ESRRG: variants seen among roughly 807,000 people sequenced by gnomAD.
The protein encoded by ESRRG is estrogen related receptor gamma.
In ESRRG, 13 loss-of-function variants were observed where a neutral mutation model predicts 44.0. The ratio of observed to expected loss-of-function variants is 0.30; its 90% confidence interval spans 0.19 to 0.47. The LOEUF is 0.47. Ranked by LOEUF, ESRRG falls within the 20% of genes least tolerant of loss-of-function variation. ESRRG has a pLI of 1.00. For missense variants in ESRRG, 395 were observed against 580.6 expected (o/e 0.68, Z 3.29); for synonymous variants, 215 against 214.6 (o/e 1.00, Z -0.02).
chr1:217,097,378 T>C (rs1163562116), intron 1 of ESRRG, among the ~76,000 whole-genome samples: 1 of 152,206 alleles, frequency 6.6e-6, no homozygotes, highest in African/African-American at 2.4e-5. Context: ...AAGTCTGTCA[T>C]TTCCCAATCA....
intron 1 of ESRRG, among the ~76,000 whole-genome samples, chr1:216,957,180 G>T (rs2068106267): frequency 6.6e-6 from 1 of 151,890 alleles, no homozygotes; most frequent in South Asian, 2.1e-4. Context: ...GTTGATTGTT[G>T]CTCACCTCCC....
At chr1:216,766,052 T>G (rs578069425) in intron 2 of ESRRG, among the ~76,000 whole-genome samples, 18 of 152,252 alleles carry the variant, frequency 1.2e-4, no homozygotes, top group African/African-American at 4.1e-4. Flanking sequence ...CAAAGCAATC[T>G]TCGTCACAAA....
chr1:216,623,077 C>CTTT (rs370657704), intron 3 of ESRRG, among the ~76,000 whole-genome samples: 6,091 of 88,552 alleles, frequency 0.069, 720 homozygotes, highest in African/African-American at 0.17. Context: ...AATCATTAAA[C>CTTT]TTTTTTTTTT....
At chr1:216,795,588 G>A (rs1043303428) in intron 2 of ESRRG, among the ~76,000 whole-genome samples, 1 of 151,586 alleles carries the variant, frequency 6.6e-6, no homozygotes, top group African/African-American at 2.4e-5. Context: ...TGATCCACCC[G>A]CCTCGGCCTC....
intron 5 of ESRRG, among the ~76,000 whole-genome samples, chr1:216,536,834 A>T (rs1299684401): frequency 6.6e-6 from 1 of 152,016 alleles, no homozygotes; most frequent in East Asian, 1.9e-4. Flanking sequence ...CTTATATTCA[A>T]GGGGTGGGGT....
At chr1:217,024,432 AG>A (rs1336158123) in intron 1 of ESRRG, among the ~76,000 whole-genome samples, 5 of 151,824 alleles carry the variant, frequency 3.3e-5, no homozygotes, top group Admixed American at 6.6e-5. Flanking sequence ...GCTGCTTCTG[AG>A]GACACCACCA....
At chr1:216,763,669 T>C (rs965079975) in intron 2 of ESRRG, among the ~76,000 whole-genome samples, 1 of 152,144 alleles carries the variant, frequency 6.6e-6, no homozygotes. Flanking sequence ...CCAGTTAAAT[T>C]TACTGCAACA....
intron 2 of ESRRG, among the ~76,000 whole-genome samples, chr1:216,784,531 G>C (rs2094053239): frequency 6.6e-6 from 1 of 151,902 alleles, no homozygotes; most frequent in South Asian, 2.1e-4. Flanking sequence ...AATAGAGAAG[G>C]AAGTTCATAA....
chr1:216,880,304 C>CAAAAAAAAAAAAAAAAAAAAAAAAAAAAA (rs11301281), intron 2 of ESRRG, among the ~76,000 whole-genome samples: 1 of 29,022 alleles, frequency 3.4e-5, no homozygotes, highest in Non-Finnish European at 5.7e-5. Context: ...GCCTCCCTCT[C>CAAAAAAAAAAAAAAAAAAAAAAAAAAAAA]AAAAAAAAAA....
chr1:217,135,084 G>A (rs751333080), intron 1 of ESRRG, among the ~76,000 whole-genome samples: 6 of 152,312 alleles, frequency 3.9e-5, no homozygotes, highest in Non-Finnish European at 8.8e-5. Context: ...ACCGCAGAGG[G>A]ATGGTGCCAA....
At chr1:216,906,820 A>G (rs1349876316) in intron 2 of ESRRG, among the ~76,000 whole-genome samples, 1 of 152,214 alleles carries the variant, frequency 6.6e-6, no homozygotes, top group Non-Finnish European at 1.5e-5. Context: ...AGTTCAACAC[A>G]TTGGTTCCCT....
chr1:216,516,948 G>A (rs988786162), intron 6 of ESRRG, among the ~76,000 whole-genome samples: 3 of 152,086 alleles, frequency 2.0e-5, no homozygotes, highest in Admixed American at 6.6e-5. Context: ...AGGTTAGGTG[G>A]GTGAAGAAAA....
intron 1 of ESRRG, among the ~76,000 whole-genome samples, chr1:216,971,988 T>C (rs1455651834): frequency 6.6e-6 from 1 of 152,242 alleles, no homozygotes; most frequent in Non-Finnish European, 1.5e-5. Context: ...GATTGAGATA[T>C]TCAGGACTAA....
At chr1:216,570,618 T>C (rs868577075) in intron 3 of ESRRG, among the ~76,000 whole-genome samples, 51 of 152,244 alleles carry the variant, frequency 3.3e-4, no homozygotes, top group African/African-American at 1.2e-3. Flanking sequence ...TAGTAGAAAA[T>C]CAAAAGCATA....
At chr1:216,830,077 C>T (rs2164613) in intron 2 of ESRRG, among the ~76,000 whole-genome samples, 89,392 of 152,028 alleles carry the variant, frequency 0.59, 26,777 homozygotes, top group Non-Finnish European at 0.63. Context: ...CATCCTCTCC[C>T]TGCTGAAACT....
chr1:216,924,546 G>A (rs549017496), intron 2 of ESRRG, among the ~76,000 whole-genome samples: 59 of 152,336 alleles, frequency 3.9e-4, no homozygotes, highest in African/African-American at 1.2e-3. Flanking sequence ...ATCCAGCCTA[G>A]AAGGAAAATC....
At chr1:216,551,094 G>C (rs1243263847) in intron 5 of ESRRG, among the ~76,000 whole-genome samples, 1 of 152,078 alleles carries the variant, frequency 6.6e-6, no homozygotes, top group African/African-American at 2.4e-5. Context: ...TTAAAATTAT[G>C]ATCACGAATA....
At chr1:216,957,396 G>A (rs1011906207) in intron 1 of ESRRG, among the ~76,000 whole-genome samples, 18 of 152,042 alleles carry the variant, frequency 1.2e-4, no homozygotes, top group Admixed American at 2.6e-4. Context: ...TATTTGGATC[G>A]AATATGCATA....
At chr1:216,966,782 T>A (rs986065492) in intron 1 of ESRRG, among the ~76,000 whole-genome samples, 1 of 152,154 alleles carries the variant, frequency 6.6e-6, no homozygotes, top group South Asian at 2.1e-4. Context: ...CAAATTCCAC[T>A]GTATTATAAG....
Sources: allele counts gnomAD v4.1 joint callset (sites outside exome capture counted in the v4.1 genomes callset), GRCh38; gene constraint gnomAD v4.1.1; transcripts MANE v1.5; gene names NCBI Gene and HGNC (gene_info 2026-07-23, HGNC 2026-07-21).